The following IL15 variants were observed in gnomAD, a reference collection of about 807,000 sequenced individuals.
The protein encoded by IL15 is interleukin 15.
IL15 carries 11 observed loss-of-function variants against 19.6 expected under a neutral mutation model. The observed-to-expected ratio is 0.56, with a 90% confidence interval of 0.35 to 0.93. The LOEUF is 0.93. IL15 is among the 40% of genes least tolerant of loss of function. The pLI is 0.01. For missense variants in IL15, 197 were observed against 186.5 expected (o/e 1.06, Z -0.33); for synonymous variants, 58 against 59.6 (o/e 0.97, Z 0.12).
At position 141,654,187 on chromosome 4, in the gene IL15, TG is replaced by T; in HGVS notation, c.-221-1997del. On this transcript the variant is annotated intron_variant, in intron 1 of 7. Transcript: ENST00000320650. ...GGGAGAAGTTGGACTGTGATGCAGT[TG>T]GAACAGTGGCCTCACTGGATCCAAC... is the stretch of plus-strand genomic sequence containing the variant. Among the ~76,000 whole-genome samples, 3 of 152,328 alleles carry T rather than the reference TG, an allele frequency of 2.0e-5. 1 individual carries two copies. Among genetic ancestry groups the T allele is most frequent in the African/African-American group, 7.2e-5 (3 of 41,582 alleles).
intron 2 of IL15, among the ~76,000 whole-genome samples, chr4:141,708,252 G>A (rs192040437): frequency 4.4e-4 from 67 of 152,284 alleles, no homozygotes; most frequent in Non-Finnish European, 6.6e-4. Context: ...TGGACACTGG[G>A]GTCTTGGTCA....
At chr4:141,643,773 C>A (rs1322547691) in intron 1 of IL15, among the ~76,000 whole-genome samples, 1 of 151,850 alleles carries the variant, frequency 6.6e-6, no homozygotes, top group Non-Finnish European at 1.5e-5. Flanking sequence ...GGTTTTTAAT[C>A]CCTTCTTACA....
intron 2 of IL15, among the ~76,000 whole-genome samples, chr4:141,709,884 A>G (rs1017259156): frequency 6.6e-6 from 1 of 152,116 alleles, no homozygotes; most frequent in Non-Finnish European, 1.5e-5. Context: ...TAGTGAGCAC[A>G]GTAATCAATG....
At chr4:141,648,746 G>C (rs1284155999) in intron 1 of IL15, among the ~76,000 whole-genome samples, 1 of 152,032 alleles carries the variant, frequency 6.6e-6, no homozygotes, top group Non-Finnish European at 1.5e-5. Context: ...TGGCTTATTT[G>C]ACTTGATATT....
rs1730491213 is a variant in IL15 at position 141,732,747 on chromosome 4, G to A, written c.388G>A (p.Glu130Lys). 6.2e-7 allele frequency: 1 copy of A among 1,610,332 alleles called. No individual in the cohort carries two copies. Among genetic ancestry groups the A allele is most frequent in the South Asian group, 1.1e-5 (1 of 89,784 alleles). The part of the protein sequence containing the change: ...NSLSSNGNVT[E>K]SGCKECEELE... ...TCTCTATATTTTGCAGAATGTAACA[G>A]AATCTGGATGCAAAGAATGTGAGGA... The change falls in exon 8 of 8, where the codon GAA becomes AAA. Residue 130 changes from glutamate (E) to lysine (K), a missense_variant. Physicochemically the swap from Glu to Lys is moderately conservative, Grantham distance 56. Coordinates refer to ENST00000320650, the MANE Select transcript of IL15 (RefSeq NM_000585.5).
intron 2 of IL15, among the ~76,000 whole-genome samples, chr4:141,713,543 C>A (rs1219110030): frequency 1.3e-5 from 2 of 152,160 alleles, no homozygotes; most frequent in Non-Finnish European, 2.9e-5. Flanking sequence ...AAAGTGTTAA[C>A]CAGTTGCTGC....
At chr4:141,679,502 T>C (rs1370823753) in intron 2 of IL15, among the ~76,000 whole-genome samples, 2 of 152,236 alleles carry the variant, frequency 1.3e-5, no homozygotes, top group Non-Finnish European at 2.9e-5. Flanking sequence ...TTGGTTTCAA[T>C]TTTTTGTATA....
intron 1 of IL15, among the ~76,000 whole-genome samples, chr4:141,640,196 T>C (rs1391408189): frequency 6.6e-6 from 1 of 152,158 alleles, no homozygotes; most frequent in Non-Finnish European, 1.5e-5. Flanking sequence ...AATGTGAATT[T>C]GAAAGTTTCA....
At chr4:141,693,306 C>T (rs62327423) in intron 2 of IL15, among the ~76,000 whole-genome samples, 400 of 152,206 alleles carry the variant, frequency 2.6e-3, no homozygotes, top group Non-Finnish European at 4.3e-3. Flanking sequence ...CACTGGGTCC[C>T]TCCCTCGACA....
At chr4:141,665,492 T>A (rs1032060404) in intron 2 of IL15, among the ~76,000 whole-genome samples, 31 of 152,190 alleles carry the variant, frequency 2.0e-4, no homozygotes, top group African/African-American at 7.0e-4. Context: ...TAGATGTTTT[T>A]GGATGAACTT....
chr4:141,648,765 C>T (rs899707899), intron 1 of IL15, among the ~76,000 whole-genome samples: 4 of 152,054 alleles, frequency 2.6e-5, no homozygotes, highest in African/African-American at 4.8e-5. Flanking sequence ...TTGAGGCATT[C>T]ATCTTCTAAA....
At chr4:141,703,194 A>G (rs1729381290) in intron 2 of IL15, among the ~76,000 whole-genome samples, 1 of 152,194 alleles carries the variant, frequency 6.6e-6, no homozygotes. Flanking sequence ...AGAAATAGCA[A>G]GCATGACTTT....
Position 141,733,694 on chromosome 4 carries a change from A to G in IL15, c.*846A>G, listed in dbSNP as rs941364013. ...GCCCAAGACAATTCTTCTTATTCCA[A>G]TGTGGCCCAGGGAAATCAAAAGATT... On this transcript the variant is annotated 3_prime_UTR_variant, in exon 8 of 8. Coordinates refer to ENST00000320650, the MANE Select transcript of IL15 (RefSeq NM_000585.5). The G allele has an allele frequency of 6.6e-6, 1 of 152,192 alleles. No individual in the cohort carries two copies. The highest frequency in any genetic ancestry group is 2.4e-5 in the African/African-American group (1 of 41,446). 9.4% of individuals were successfully genotyped at this position (152,192 alleles called of 1,614,324 possible). A position where few individuals can be genotyped will look rare whatever the true frequency, so the allele number is the denominator to read the frequency against.
intron 5 of IL15, among the ~76,000 whole-genome samples, chr4:141,726,242 AAAAT>A (rs1262874841): frequency 2.0e-5 from 3 of 152,172 alleles, no homozygotes; most frequent in Admixed American, 6.5e-5. Context: ...GTATGAGAAA[AAAAT>A]AAATAAAAGG....
chr4:141,710,530 T>A (rs193195122), intron 2 of IL15, among the ~76,000 whole-genome samples: 3 of 152,328 alleles, frequency 2.0e-5, no homozygotes, highest in Non-Finnish European at 4.4e-5. Context: ...TTTTAACTAA[T>A]GTTAGTATCC....
intron 1 of IL15, among the ~76,000 whole-genome samples, chr4:141,644,804 A>T (rs1044986705): frequency 6.6e-6 from 1 of 152,156 alleles, no homozygotes; most frequent in Non-Finnish European, 1.5e-5. Context: ...TCAAAACAAG[A>T]CAATAGAAGG....
intron 2 of IL15, among the ~76,000 whole-genome samples, chr4:141,688,144 G>A (rs989281305): frequency 6.6e-6 from 1 of 152,112 alleles, no homozygotes; most frequent in Non-Finnish European, 1.5e-5. Context: ...CCCCCTGAAG[G>A]ATCATCCTAG....
At chr4:141,716,301 G>A (rs757642750) in intron 2 of IL15, 7 of 152,414 alleles carry the variant, frequency 4.6e-5, no homozygotes, top group South Asian at 2.1e-4. Flanking sequence ...TCGGGTGCCA[G>A]GCCCCACCTG....
chr4:141,711,016 T>C (rs1265715853), intron 2 of IL15, among the ~76,000 whole-genome samples: 1 of 152,182 alleles, frequency 6.6e-6, no homozygotes, highest in Non-Finnish European at 1.5e-5. Flanking sequence ...CGACTGATGA[T>C]ACAGTGACTG....
Sources: allele counts gnomAD v4.1 joint callset (sites outside exome capture counted in the v4.1 genomes callset), GRCh38; gene constraint gnomAD v4.1.1; transcripts MANE v1.5; gene names NCBI Gene and HGNC (gene_info 2026-07-23, HGNC 2026-07-21).